Variants in DISP3 observed in about 807,000 individuals in gnomAD.
DISP3 encodes the protein dispatched RND transporter family member 3, also known as protein dispatched homolog 3.
Under a neutral mutation model 135.3 loss-of-function variants are expected in DISP3, and 101 were observed. That is an observed-to-expected ratio of 0.75 (90% CI 0.64 to 0.88). The LOEUF is 0.88. DISP3 is among the 40% of genes least tolerant of loss of function. The pLI is 0.00. For missense variants in DISP3, 1,713 were observed against 1,878.6 expected, an observed-to-expected ratio of 0.91 and a Z score of 1.63; for synonymous variants, 856 against 817.0, an observed-to-expected ratio of 1.05 and a Z score of -0.81.
chr1:11,522,624 CCA>C (rs1198791060), intron 10 of DISP3, among the ~76,000 whole-genome samples: 429 of 53,800 alleles, frequency 8.0e-3, no homozygotes, highest in Non-Finnish European at 0.011. Flanking sequence ...CAGGACCCAG[CCA>C]GAGCCCAGCC....
At position 11,483,310 on chromosome 1, in the gene DISP3, G is replaced by A. The variant is rs142175427; in HGVS notation, c.-4+3938G>A. 1.3e-5 allele frequency among the ~76,000 whole-genome samples: 2 copies of A among 152,354 alleles called. No individual in the cohort carries two copies. The highest frequency in any genetic ancestry group is 2.9e-5 in the Non-Finnish European group (2 of 68,030). ...CTCCGCCTTATGATGGGAGGCTGGT[G>A]ATAACAATACCAACCAATCATAGCT... On this transcript the variant is annotated intron_variant, in intron 1 of 20. Transcript: ENST00000294484. The surrounding 1 kb of genome is among the most constrained non-coding windows in gnomAD (Gnocchi z 5.4).
chr1:11,482,447 A>C (rs1056678374), intron 1 of DISP3, among the ~76,000 whole-genome samples: 2 of 152,104 alleles, frequency 1.3e-5, no homozygotes, highest in Non-Finnish European at 2.9e-5. Flanking sequence ...TGAGCTGGGG[A>C]TGGCAAAAAT....
In DISP3 at chr1:11,515,488, G is replaced by T. The variant is rs376513197; in HGVS notation, c.1573G>T (p.Val525Leu). Residue 525 changes from valine (V) to leucine (L), a missense_variant, in exon 5 of 21, where the codon GTG (valine) becomes TTG (leucine). Physicochemically the swap from Val to Leu is conservative, Grantham distance 32 (BLOSUM62 1). This residue lies in a region of DISP3 where 1,142 missense variants were observed against 1,384.6 expected (regional missense o/e 0.82). Coordinates refer to ENST00000294484, the MANE Select transcript of DISP3 (RefSeq NM_020780.2). ...CATCCTGAATGGGGTGGCCGCCTTC[G>T]TGATCGTGGGCATTGGTGAGTCGCC... is the stretch of plus-strand genomic sequence containing the variant. Reference protein sequence around the residue: ...LGILNGVAAFVIVGIGVDDVF... With the variant: ...LGILNGVAAFLIVGIGVDDVF... 2 of 1,607,860 alleles carry T rather than the reference G, an allele frequency of 1.2e-6. No homozygotes were observed. The highest frequency in any genetic ancestry group is 1.7e-6 in the Non-Finnish European group (2 of 1,176,892).
Position 11,500,237 on chromosome 1 carries a change from G to T in DISP3, c.-3-753G>T, listed in dbSNP as rs11807720. On this transcript the variant is annotated intron_variant, in intron 1 of 20. Transcript: ENST00000294484. ...ATAGAAGGGGTGGGAAGCTACTGAGGGTTCTCCAGGAGAGCCGTGACAGGC... is the reference window on the plus strand; with the variant it reads ...ATAGAAGGGGTGGGAAGCTACTGAGTGTTCTCCAGGAGAGCCGTGACAGGC... 4.9e-3 allele frequency among the ~76,000 whole-genome samples: 742 copies of T among 152,360 alleles called. 7 individuals are homozygous for T. The highest frequency in any genetic ancestry group is 0.017 in the African/African-American group (703 of 41,592).
intron 10 of DISP3, among the ~76,000 whole-genome samples, chr1:11,522,594 G>C (rs1642237396): frequency 7.3e-6 from 1 of 136,332 alleles, no homozygotes; most frequent in African/African-American, 2.7e-5. Flanking sequence ...GACCCAGCCA[G>C]GACCCAGCCA....
At chr1:11,524,407 G>A (rs1267375392) in intron 11 of DISP3, among the ~76,000 whole-genome samples, 1 of 151,956 alleles carries the variant, frequency 6.6e-6, no homozygotes, top group African/African-American at 2.4e-5. Context: ...TGTACTGGGG[G>A]AATGAATGCC....
chr1:11,512,318 C>T (rs1641878818), intron 3 of DISP3, among the ~76,000 whole-genome samples: 1 of 152,106 alleles, frequency 6.6e-6, no homozygotes, highest in South Asian at 2.1e-4. Flanking sequence ...CTCTACTTCC[C>T]TTATAAAACT....
chr1:11,485,837 G>C (rs550979505), intron 1 of DISP3, among the ~76,000 whole-genome samples: 55 of 152,324 alleles, frequency 3.6e-4, no homozygotes, highest in Admixed American at 1.0e-3. Context: ...GAAGTGCAGA[G>C]AGTCTAAGCA....
intron 15 of DISP3, 28 bp from the exon 16 acceptor site, chr1:11,530,879 C>A (rs749187578): frequency 6.2e-7 from 1 of 1,612,504 alleles, no homozygotes; most frequent in Non-Finnish European, 8.5e-7. Context: ...CTGAGCGGCC[C>A]GGGCCGGCTT....
chr1:11,487,407 G>A (rs11121751), intron 1 of DISP3, among the ~76,000 whole-genome samples: 15,869 of 152,250 alleles, frequency 0.1, 1,073 homozygotes, highest in East Asian at 0.23. Flanking sequence ...GGCTGCCACC[G>A]CTACCCCTGC....
At chr1:11,504,908 T>C (rs1440979001) in intron 3 of DISP3, among the ~76,000 whole-genome samples, 1 of 152,250 alleles carries the variant, frequency 6.6e-6, no homozygotes, top group Non-Finnish European at 1.5e-5. Flanking sequence ...CACAGTCCCC[T>C]TTCTTCTCCT....
intron 18 of DISP3, 187 bp downstream of exon 18, chr1:11,534,727 T>G: frequency 1.2e-6 from 1 of 819,558 alleles, no homozygotes; most frequent in Non-Finnish European, 1.9e-6. Context: ...CGGGGGCATC[T>G]GGCCACGTTC....
chr1:11,504,123 A>G (rs1258057804), intron 3 of DISP3, among the ~76,000 whole-genome samples: 2 of 152,242 alleles, frequency 1.3e-5, no homozygotes, highest in Non-Finnish European at 2.9e-5. Flanking sequence ...CAACTGCTGG[A>G]ATAATCAGAG....
chr1:11,498,725 G>A (rs1338547818), intron 1 of DISP3, among the ~76,000 whole-genome samples: 1 of 152,168 alleles, frequency 6.6e-6, no homozygotes, highest in Admixed American at 6.5e-5. Context: ...TGAAAGAATA[G>A]TAGCTGTCAT....
intron 3 of DISP3, 92 bp downstream of exon 3, chr1:11,502,989 T>A: frequency 8.7e-7 from 1 of 1,152,364 alleles, no homozygotes. Context: ...TTCCCTATAA[T>A]CTTTTCCTTT....
At chr1:11,525,379 C>T (rs1642384326) in intron 12 of DISP3, 67 bp downstream of exon 12, 1 of 1,550,660 alleles carries the variant, frequency 6.4e-7, no homozygotes, top group Non-Finnish European at 8.7e-7. Context: ...CAGGGCCACA[C>T]TGGTGGGCAG....
At chr1:11,494,143 C>T (rs1056908670) in intron 1 of DISP3, among the ~76,000 whole-genome samples, 2 of 152,320 alleles carry the variant, frequency 1.3e-5, no homozygotes, top group Admixed American at 1.3e-4. Flanking sequence ...GTGTGACCAC[C>T]AGGGAGTCAC....
In DISP3 at chr1:11,536,878, C is replaced by T. The variant is rs569243680; in HGVS notation, c.*192C>T. On this transcript the variant is annotated 3_prime_UTR_variant, in exon 21 of 21. Coordinates refer to ENST00000294484, the MANE Select transcript of DISP3 (RefSeq NM_020780.2). This position sits in a 1 kb window ranked among gnomAD's most constrained non-coding sequence, Gnocchi z 4.3. ...TGTGGAGCTGGGAGTTGGAGACAGC[C>T]GCCACCCCACAGGCCGGGCTACTGG... 572 of 784,014 alleles carry T rather than the reference C, an allele frequency of 7.3e-4. 10 individuals are homozygous for T. Among genetic ancestry groups the T allele is most frequent in the South Asian group, 6.7e-3 (318 of 47,136 alleles). The allele number at this position is 784,014 out of a possible 1,614,324, so 48.6% of individuals were successfully genotyped here.
intron 7 of DISP3, 30 bp downstream of exon 7, chr1:11,517,632 A>G (rs1219397485): frequency 6.2e-7 from 1 of 1,609,008 alleles, no homozygotes. Context: ...CACCCACAGC[A>G]GGGTATCCAC....
Sources: gnomAD v4.1 joint callset for allele counts (sites outside exome capture counted in the v4.1 genomes callset) on GRCh38, gnomAD v4.1.1 for gene constraint, gnomAD v4.1.1 regional missense constraint, Gnocchi (gnomAD v3.1) non-coding constraint, MANE v1.5 for transcripts, NCBI Gene and HGNC (gene_info 2026-07-23, HGNC 2026-07-21) for gene names.